ANO5: variants seen among roughly 807,000 people sequenced by gnomAD.
The protein encoded by ANO5 is anoctamin 5.
In ANO5, 109 loss-of-function variants were observed where a neutral mutation model predicts 121.0. The observed-to-expected ratio is 0.90, with a 90% CI of 0.77 to 1.06. The LOEUF (loss-of-function observed/expected upper bound fraction) is 1.06, where lower values mean the gene tolerates loss of function less well. ANO5 is among the 50% of genes least tolerant of loss of function. ANO5 has a pLI of 0.00. For synonymous variants in ANO5, 406 were observed against 359.9 expected (o/e 1.13, Z -1.45); for missense variants, 1,064 against 1,078.5 (o/e 0.99, Z 0.19).
intron 18 of ANO5, among the ~76,000 whole-genome samples, chr11:22,272,369 C>A (rs948947395): frequency 3.1e-4 from 46 of 146,848 alleles, no homozygotes; most frequent in African/African-American, 1.0e-3. Context: ...GATTATACAA[C>A]TGAATCAGTC....
chr11:22,220,989 T>A, intron 4 of ANO5, 108 bp from the exon 5 acceptor site: 2 of 777,336 alleles, frequency 2.6e-6, no homozygotes, highest in Non-Finnish European at 4.3e-6. Flanking sequence ...TGCTGAAAAC[T>A]CTGGTTATTT....
intron 18 of ANO5, among the ~76,000 whole-genome samples, chr11:22,272,015 A>C (rs867989808): frequency 6.6e-6 from 1 of 152,078 alleles, no homozygotes; most frequent in Non-Finnish European, 1.5e-5. Context: ...GAATAACGGA[A>C]ATTTTTTTCC....
At chr11:22,235,752 A>C (rs2133645702) in intron 7 of ANO5, among the ~76,000 whole-genome samples, 1 of 152,268 alleles carries the variant, frequency 6.6e-6, no homozygotes, top group African/African-American at 2.4e-5. Context: ...TTGTAAAAAT[A>C]ATTAATTGAA....
At chr11:22,193,893 A>G (rs1023520963) in intron 1 of ANO5, among the ~76,000 whole-genome samples, 1 of 152,236 alleles carries the variant, frequency 6.6e-6, no homozygotes, top group Non-Finnish European at 1.5e-5. Flanking sequence ...AACCCAGCCA[A>G]TGGAAACGAA....
intron 13 of ANO5, among the ~76,000 whole-genome samples, chr11:22,255,819 A>G (rs750769074): frequency 7.9e-5 from 12 of 152,156 alleles, no homozygotes; most frequent in Non-Finnish European, 1.2e-4. Flanking sequence ...TGTTTCATTC[A>G]TACTCATACT....
At chr11:22,276,307 TGAAG>T (rs575474391) in intron 21 of ANO5, 108 bp downstream of exon 21, 115 of 887,630 alleles carry the variant, frequency 1.3e-4, no homozygotes, top group Non-Finnish European at 2.0e-4. Context: ...TAAACTGTCT[TGAAG>T]GAAGTATTGT....
In ANO5 at chr11:22,282,135, A is replaced by C. The variant is rs369187804; in HGVS notation, c.*2370A>C. On this transcript the variant is annotated 3_prime_UTR_variant, in exon 22 of 22. Coordinates refer to ENST00000324559, the MANE Select transcript of ANO5 (RefSeq NM_213599.3). ...CCCAACCACCACATGTAAGTTGATAATTACCAGCATGGCAGGTGATTTTAT... is the reference window on the plus strand; with the variant it reads ...CCCAACCACCACATGTAAGTTGATACTTACCAGCATGGCAGGTGATTTTAT... The C allele has an allele frequency of 1.3e-5, 2 of 152,142 alleles. No homozygotes were observed. Among genetic ancestry groups the C allele is most frequent in the African/African-American group, 4.8e-5 (2 of 41,442 alleles). The allele number at this position is 152,142 out of a possible 1,614,324, so 9.4% of individuals were successfully genotyped here. A position where few individuals can be genotyped will look rare whatever the true frequency, so the allele number is the denominator to read the frequency against.
intron 12 of ANO5, among the ~76,000 whole-genome samples, chr11:22,252,994 C>G (rs2133713281): frequency 6.6e-6 from 1 of 152,166 alleles, no homozygotes; most frequent in Middle Eastern, 3.4e-3. Context: ...ATTACTTGCT[C>G]CTTTAGGACA....
At chr11:22,232,719 T>G (rs1355416128) in intron 7 of ANO5, among the ~76,000 whole-genome samples, 1 of 152,062 alleles carries the variant, frequency 6.6e-6, no homozygotes, top group Non-Finnish European at 1.5e-5. Flanking sequence ...GTATAGTCAG[T>G]CAGGTTGCAC....
chr11:22,201,534 C>T (rs1851963619), intron 1 of ANO5, among the ~76,000 whole-genome samples: 1 of 151,970 alleles, frequency 6.6e-6, no homozygotes, highest in Non-Finnish European at 1.5e-5. Flanking sequence ...GTGTGTTATT[C>T]CCTTTTGTGC....
At chr11:22,243,701 G>A (rs188560896) in intron 9 of ANO5, among the ~76,000 whole-genome samples, 775 of 35,856 alleles carry the variant, frequency 0.022, 25 homozygotes, top group Non-Finnish European at 0.011. Flanking sequence ...TAATTTATGT[G>A]CATAGAACTT....
In ANO5 at chr11:22,262,073, G is replaced by A. The variant is rs867268080; in HGVS notation, c.1631-56G>A. ...GATGTTCACTTGTCCTAGGGAGTAC[G>A]AAGTTCAAGGAAAAAAATAAGAAGA... On this transcript the variant is annotated intron_variant, in intron 15 of 21. Transcript: ENST00000324559. 3.9e-4 allele frequency: 609 copies of A among 1,562,562 alleles called. 2 individuals are homozygous for A. The highest frequency in any genetic ancestry group is 2.0e-3 in the Middle Eastern group (9 of 4,534).
At chr11:22,217,497 T>C (rs1383523147) in intron 3 of ANO5, among the ~76,000 whole-genome samples, 1 of 151,964 alleles carries the variant, frequency 6.6e-6, no homozygotes, top group African/African-American at 2.4e-5. Flanking sequence ...AATGTGGTAA[T>C]TTTAATTTCT....
Position 22,274,607 on chromosome 11 carries a change from T to C in ANO5, c.2274T>C (p.Arg758=). The C allele has an allele frequency of 6.2e-7, 1 of 1,609,346 alleles. No individual in the cohort carries two copies. Among genetic ancestry groups the C allele is most frequent in the African/African-American group, 1.3e-5 (1 of 74,960 alleles). ...IVAFTSDIIP[R]LVYYYAYSTN... is the part of the protein sequence containing the mutation. ...CATTTACGTCAGACATCATTCCCCG[T>C]CTAGTTTACTACTATGCTTACTCAA... is the stretch of plus-strand genomic sequence containing the variant. Residue 758 remains arginine, a synonymous_variant, in exon 20 of 22, where the codon CGT becomes CGC. Transcript: ENST00000324559.
At chr11:22,255,263 C>A (rs1403637551) in intron 12 of ANO5, 108 bp from the exon 13 acceptor site, 7 of 806,252 alleles carry the variant, frequency 8.7e-6, no homozygotes, top group South Asian at 2.2e-5. Context: ...GAAAGAATAG[C>A]CACCTGAAAC....
chr11:22,277,597 A>G lies in ANO5; in HGVS notation c.2520+1398A>G, dbSNP rs142507831. 1.0e-3 allele frequency among the ~76,000 whole-genome samples: 153 copies of G among 151,550 alleles called. 1 individual carries two copies. Among genetic ancestry groups the G allele is most frequent in the Middle Eastern group, 3.4e-3 (1 of 294 alleles). ...CTGTTTCCTGTCTTATATTCTGAAC[A>G]TATTTCTTTTATTATAATTGTACTT... is the stretch of plus-strand genomic sequence containing the variant. On this transcript the variant is annotated intron_variant, in intron 21 of 21. Transcript: ENST00000324559.
At chr11:22,222,341 C>G (rs1852681010) in intron 5 of ANO5, among the ~76,000 whole-genome samples, 1 of 151,892 alleles carries the variant, frequency 6.6e-6, no homozygotes, top group African/African-American at 2.4e-5. Context: ...AATATCAATT[C>G]ATACTTAGAT....
In ANO5 at chr11:22,239,652, T is replaced by C; in HGVS notation, c.846T>C (p.Tyr282=). The part of the protein sequence containing the change: ...TLHQNWARFS[Y]FYKEQPLDLI... The stretch of plus-strand genomic sequence containing the variant: ...ACCAGAATTGGGCTCGATTTTCCTA[T>C]TTCTACAAGGAGCAGCCTTTAGACT... Residue 282 remains tyrosine (Y), a synonymous_variant, in exon 9 of 22, where the codon TAT becomes TAC. Coordinates refer to ENST00000324559, the MANE Select transcript of ANO5 (RefSeq NM_213599.3). The C allele has an allele frequency of 2.5e-6, 4 of 1,611,920 alleles. No homozygotes were observed. Among genetic ancestry groups the C allele is most frequent in the Non-Finnish European group, 3.4e-6 (4 of 1,178,188 alleles).
In ANO5 at chr11:22,263,034, C is replaced by G. The variant is rs755231182; in HGVS notation, c.1889C>G (p.Ala630Gly). 13 of 1,608,472 alleles carry G rather than the reference C, an allele frequency of 8.1e-6. No individual in the cohort carries two copies. Among genetic ancestry groups the G allele is most frequent in the South Asian group, 4.4e-5 (4 of 90,966 alleles). The change falls in exon 17 of 22, where the codon GCC becomes GGC. Residue 630 changes from alanine to glycine, a missense_variant. Ala to Gly is a moderately conservative substitution (Grantham distance 60). Transcript: ENST00000324559. ...GKQIFGNIKEAIYPLALNWWR... is the reference protein window; with the variant it reads ...GKQIFGNIKEGIYPLALNWWR... Reference sequence around the variant, plus strand: ...CAGATTTTTGGAAACATTAAAGAAGCCATTTATCCGTATGTATGACTTACA... The same window carrying G: ...CAGATTTTTGGAAACATTAAAGAAGGCATTTATCCGTATGTATGACTTACA...
Sources: gnomAD v4.1 joint callset for allele counts (sites outside exome capture counted in the v4.1 genomes callset) on GRCh38, gnomAD v4.1.1 for gene constraint, MANE v1.5 for transcripts, NCBI Gene and HGNC (gene_info 2026-07-23, HGNC 2026-07-21) for gene names.